DSCAM: variants seen among roughly 807,000 people sequenced by gnomAD.
DSCAM encodes cell adhesion molecule DSCAM.
A neutral mutation model predicts 217.7 loss-of-function variants in DSCAM; 47 were observed. The ratio of observed to expected loss-of-function variants is 0.22; its 90% CI spans 0.17 to 0.28. DSCAM has a LOEUF of 0.28. Among genes scored for constraint, DSCAM ranks in the 10% least tolerant of loss-of-function variants. The probability of loss-of-function intolerance (pLI) is 1.00; values close to 1 mark genes in which losing one functional copy is unlikely to be tolerated. For missense variants in DSCAM, 2,080 were observed against 2,618.3 expected, an observed-to-expected ratio of 0.79 and a Z score of 4.49; for synonymous variants, 1,056 against 1,015.3, an observed-to-expected ratio of 1.04 and a Z score of -0.76.
At chr21:40,239,401 A>G (rs1489798927) in intron 11 of DSCAM, among the ~76,000 whole-genome samples, 1 of 152,190 alleles carries the variant, frequency 6.6e-6, no homozygotes, top group African/African-American at 2.4e-5. Flanking sequence ...CTATTTTTGG[A>G]TACCTGCCTT....
In DSCAM at chr21:40,085,649, T is replaced by C. The variant is rs749200511; in HGVS notation, c.4085A>G (p.Asn1362Ser). The change falls in exon 23 of 33, where the codon AAT becomes AGT. Residue 1362 changes from asparagine (N) to serine (S), a missense_variant. By Grantham distance (46) the Asn-to-Ser change is conservative (BLOSUM62 1). Transcript: ENST00000400454. Reference sequence around the variant, plus strand: ...AATTTCATCAGATCCCCAGTTGTTATTGGCAATGCAGCTGTAATAGCCGGA... The same window carrying C: ...AATTTCATCAGATCCCCAGTTGTTACTGGCAATGCAGCTGTAATAGCCGGA... The part of the protein sequence containing the change: ...EDSGYYSCIA[N>S]NNWGSDEIIL... The C allele has an allele frequency of 4.4e-6, 7 of 1,587,236 alleles. No homozygotes were observed. Among genetic ancestry groups the C allele is most frequent in the East Asian group, 4.5e-5 (2 of 44,324 alleles).
chr21:40,743,539 T>C (rs2091145822), intron 1 of DSCAM, among the ~76,000 whole-genome samples: 1 of 152,168 alleles, frequency 6.6e-6, no homozygotes, highest in African/African-American at 2.4e-5. Context: ...GCTAGAGATG[T>C]CGAATTTCAC....
intron 18 of DSCAM, 27 bp downstream of exon 18, chr21:40,142,531 C>T (rs995910648): frequency 1.9e-6 from 3 of 1,611,616 alleles, no homozygotes; most frequent in African/African-American, 2.7e-5. Flanking sequence ...TGGAGGCAAA[C>T]CCAAAGTCCT....
rs1366380658 is a variant in DSCAM, at chr21:40,132,967, G to A, written c.3562+887C>T. On this transcript the variant is annotated intron_variant, in intron 19 of 32. Coordinates refer to ENST00000400454, the MANE Select transcript of DSCAM (RefSeq NM_001389.5). ...TGTACTGCTTGGGGAACAGAGTCCC[G>A]GCAAGAAGACAAAAGTTGCAGAGAC... Among the ~76,000 whole-genome samples the A allele has an allele frequency of 2.0e-5, 3 of 152,086 alleles. No individual in the cohort carries two copies. The East Asian group carries it at 5.8e-4, about 29-fold the overall frequency.
intron 3 of DSCAM, among the ~76,000 whole-genome samples, chr21:40,419,223 C>T (rs949462956): frequency 2.6e-5 from 4 of 151,738 alleles, no homozygotes; most frequent in East Asian, 3.9e-4. Context: ...CCTCATAATC[C>T]GCCTGCCTCA....
intron 18 of DSCAM, among the ~76,000 whole-genome samples, chr21:40,136,620 A>G (rs551834600): frequency 6.6e-6 from 1 of 152,328 alleles, no homozygotes; most frequent in Non-Finnish European, 1.5e-5. Context: ...CGCAATCAAT[A>G]AAAATACAGC....
intron 5 of DSCAM, among the ~76,000 whole-genome samples, 169 bp downstream of exon 5, chr21:40,353,296 T>C (rs2074653670): frequency 6.6e-6 from 1 of 152,208 alleles, no homozygotes; most frequent in South Asian, 2.1e-4. Context: ...CCTTGGGGAA[T>C]TCATCTGAGC....
chr21:40,273,281 T>G (rs1176352656), intron 11 of DSCAM, among the ~76,000 whole-genome samples: 1 of 152,256 alleles, frequency 6.6e-6, no homozygotes, highest in Non-Finnish European at 1.5e-5. Context: ...TAGTTCTTCC[T>G]ATTTTCTAGG....
chr21:40,559,370 A>G (rs1312687742), intron 3 of DSCAM, among the ~76,000 whole-genome samples: 1 of 152,044 alleles, frequency 6.6e-6, no homozygotes, highest in Non-Finnish European at 1.5e-5. Context: ...AGGCAGAAGA[A>G]TAGCGTAAAC....
chr21:40,679,584 A>T (rs886664551), intron 3 of DSCAM, among the ~76,000 whole-genome samples: 2 of 152,242 alleles, frequency 1.3e-5, no homozygotes, highest in Non-Finnish European at 2.9e-5. Flanking sequence ...AATAACTGAC[A>T]TGTGCTACAA....
chr21:40,436,752 A>G (rs1332692031), intron 3 of DSCAM, among the ~76,000 whole-genome samples: 1 of 152,220 alleles, frequency 6.6e-6, no homozygotes, highest in Non-Finnish European at 1.5e-5. Context: ...ACAGCAGCGC[A>G]TTAAGTCAAG....
intron 3 of DSCAM, among the ~76,000 whole-genome samples, chr21:40,637,123 ATATATAAAT>A (rs1240655181): frequency 4.0e-4 from 35 of 88,256 alleles, no homozygotes; most frequent in East Asian, 1.1e-3. Context: ...ATATATATAT[ATATATAAAT>A]ATATAAATAT....
At chr21:40,068,409 G>C (rs2089242200) in intron 27 of DSCAM, among the ~76,000 whole-genome samples, 1 of 152,094 alleles carries the variant, frequency 6.6e-6, no homozygotes, top group Admixed American at 6.5e-5. Context: ...ATGCAAGCTA[G>C]AAGGAATATG....
chr21:40,398,112 A>C (rs983928496), intron 3 of DSCAM, among the ~76,000 whole-genome samples: 3 of 152,134 alleles, frequency 2.0e-5, no homozygotes, highest in Non-Finnish European at 4.4e-5. Context: ...ATTGCTGAAA[A>C]AACTTACCTA....
chr21:40,359,176 G>A (rs980659975), intron 4 of DSCAM, among the ~76,000 whole-genome samples: 2 of 152,152 alleles, frequency 1.3e-5, no homozygotes, highest in Non-Finnish European at 2.9e-5. Flanking sequence ...GTTGGTGGAA[G>A]GTAATATATA....
intron 3 of DSCAM, among the ~76,000 whole-genome samples, chr21:40,436,597 G>T (rs2075584853): frequency 6.6e-6 from 1 of 152,154 alleles, no homozygotes; most frequent in Non-Finnish European, 1.5e-5. Context: ...CAGACAACAG[G>T]GGTCTCACCT....
intron 3 of DSCAM, among the ~76,000 whole-genome samples, chr21:40,393,275 G>A (rs754621239): frequency 1.1e-4 from 16 of 152,284 alleles, no homozygotes; most frequent in South Asian, 2.1e-4. Flanking sequence ...CCAGATCCAC[G>A]TGCATGACCT....
intron 20 of DSCAM, among the ~76,000 whole-genome samples, chr21:40,117,289 G>A (rs1034966115): frequency 3.9e-5 from 6 of 152,140 alleles, no homozygotes; most frequent in Non-Finnish European, 5.9e-5. Context: ...AGGTTTGCCA[G>A]TCTATGCCCA....
chr21:40,021,504 C>T (rs999038271), intron 32 of DSCAM, among the ~76,000 whole-genome samples: 1 of 152,222 alleles, frequency 6.6e-6, no homozygotes, highest in Non-Finnish European at 1.5e-5. Flanking sequence ...TCAGCCTCAC[C>T]AAAACCCAGT....
Sources: allele counts gnomAD v4.1 joint callset (sites outside exome capture counted in the v4.1 genomes callset), GRCh38; gene constraint gnomAD v4.1.1; transcripts MANE v1.5; gene names NCBI Gene and HGNC (gene_info 2026-07-23, HGNC 2026-07-21).